Variants in MAP2K3 observed in about 807,000 individuals in gnomAD.
MAP2K3 encodes the protein mitogen-activated protein kinase kinase 3.
MAP2K3 carries 30 observed loss-of-function variants against 46.4 expected under a neutral mutation model. The observed-to-expected ratio is 0.65, with a 90% CI of 0.48 to 0.88. The LOEUF (loss-of-function observed/expected upper bound fraction) is 0.88. MAP2K3 is among the 40% of genes least tolerant of loss of function. MAP2K3 has a pLI of 0.00. For synonymous variants in MAP2K3, 189 were observed against 176.3 expected, an observed-to-expected ratio of 1.07 and a Z score of -0.57; for missense variants, 380 against 464.5, an observed-to-expected ratio of 0.82 and a Z score of 1.67.
chr17:21,303,277 A>T, intron 7 of MAP2K3, 43 bp downstream of exon 7: 1 of 1,612,198 alleles, frequency 6.2e-7, no homozygotes, highest in Non-Finnish European at 8.5e-7. Context: ...AGCCAGTGGG[A>T]GGGATCCCAG....
Position 21,284,751 on chromosome 17 carries a change from T to TGCAGTCGCCGCC in MAP2K3, c.-163_-152dup. ...CCGCCCGTCGCGGACTCGTCCTTGCTGCAGTCGCCGCCGCAGTCCTCGCCG... is the reference window on the plus strand; with the variant it reads ...CCGCCCGTCGCGGACTCGTCCTTGCTGCAGTCGCCGCCGCAGTCGCCGCCGCAGTCCTCGCCG... On this transcript the variant is annotated 5_prime_UTR_variant, in exon 1 of 12. Transcript: ENST00000342679. The TGCAGTCGCCGCC allele has an allele frequency of 4.8e-6, 3 of 631,194 alleles. No individual in the cohort carries two copies. The South Asian group carries it at 8.3e-5, about 17-fold the overall frequency. 39.1% of individuals were successfully genotyped at this position (631,194 alleles called of 1,614,324 possible). A position where few individuals can be genotyped will look rare whatever the true frequency, so the allele number is the denominator to read the frequency against.
At chr17:21,306,463 G>A (rs62057736) in intron 9 of MAP2K3, among the ~76,000 whole-genome samples, 4 of 152,396 alleles carry the variant, frequency 2.6e-5, no homozygotes, top group East Asian at 3.9e-4. Context: ...CTGTGCTTGC[G>A]AACCTACAGG....
At chr17:21,295,648 C>T (rs1466944628) in intron 1 of MAP2K3, 3 of 1,289,324 alleles carry the variant, frequency 2.3e-6, no homozygotes, top group East Asian at 5.5e-5. Flanking sequence ...TGTGGCCCTC[C>T]TGATGCAGGC....
intron 1 of MAP2K3, among the ~76,000 whole-genome samples, chr17:21,297,404 G>A (rs917875254): frequency 1.3e-5 from 2 of 152,310 alleles, no homozygotes; most frequent in Non-Finnish European, 2.9e-5. Context: ...CTTGGGAAAT[G>A]ATGAGGCAGA....
intron 1 of MAP2K3, among the ~76,000 whole-genome samples, chr17:21,294,984 C>T (rs1232196165): frequency 6.6e-6 from 1 of 152,308 alleles, no homozygotes; most frequent in Non-Finnish European, 1.5e-5. Flanking sequence ...AGAACGGCCA[C>T]CTGTGGGACT....
At chr17:21,296,789 G>A (rs765603207) in intron 1 of MAP2K3, among the ~76,000 whole-genome samples, 4,586 of 149,736 alleles carry the variant, frequency 0.031, no homozygotes, top group Non-Finnish European at 0.05. Flanking sequence ...GACAGCCAGG[G>A]TGTTGCTGCA....
In MAP2K3 at chr17:21,304,517, C is replaced by T. The variant is rs143575057; in HGVS notation, c.660C>T (p.Ala220=). Reference sequence around the variant, plus strand: ...GTGGCTACTTGGTGGACTCTGTGGCCAAGACGATGGATGCCGGCTGCAAGC... The same window carrying T: ...GTGGCTACTTGGTGGACTCTGTGGCTAAGACGATGGATGCCGGCTGCAAGC... ...GISGYLVDSV[A]KTMDAGCKPY... is the part of the protein sequence containing the mutation. The change falls in exon 8 of 12, where the codon GCC becomes GCT. Residue 220 remains alanine (A), a synonymous_variant. Coordinates refer to ENST00000342679, the MANE Select transcript of MAP2K3 (RefSeq NM_145109.3). 1.9e-3 allele frequency: 2,996 copies of T among 1,612,814 alleles called. No individual in the cohort carries two copies. The African/African-American group carries it at 0.032, about 17-fold the overall frequency.
chr17:21,296,467 G>A (rs1976257005), intron 1 of MAP2K3, among the ~76,000 whole-genome samples: 1 of 152,312 alleles, frequency 6.6e-6, no homozygotes, highest in Admixed American at 6.5e-5. Flanking sequence ...GTTTCTTGTT[G>A]AGCACGAGAC....
intron 1 of MAP2K3, among the ~76,000 whole-genome samples, chr17:21,297,428 G>A (rs1976319862): frequency 6.6e-6 from 1 of 152,310 alleles, no homozygotes; most frequent in Non-Finnish European, 1.5e-5. Flanking sequence ...TCCCACAAGG[G>A]CAGGCATGTG....
At chr17:21,295,582 C>T (rs1976193395) in intron 1 of MAP2K3, 15 of 1,273,444 alleles carry the variant, frequency 1.2e-5, no homozygotes, top group Non-Finnish European at 1.5e-5. Flanking sequence ...TCTAGGCTGT[C>T]TCCATGACGG....
rs760948513 is a variant in MAP2K3, at chr17:21,300,897, A to T, written c.303A>T (p.Ser101=). The stretch of plus-strand genomic sequence containing the variant: ...AGCGGATCCGGGCCACCGTGAACTC[A>T]CAGGAGCAGAAGCGGCTGCTCATGG... ...AVKRIRATVN[S]QEQKRLLMDL... The change falls in exon 5 of 12, where the codon TCA becomes TCT. Residue 101 remains serine (S), a synonymous_variant. Coordinates refer to ENST00000342679, the MANE Select transcript of MAP2K3 (RefSeq NM_145109.3). 6.2e-7 allele frequency: 1 copy of T among 1,614,238 alleles called. No individual in the cohort carries two copies. The highest frequency in any genetic ancestry group is 8.5e-7 in the Non-Finnish European group (1 of 1,180,056).
chr17:21,295,969 A>T, intron 1 of MAP2K3: 1 of 1,258,554 alleles, frequency 7.9e-7, no homozygotes, highest in South Asian at 1.3e-5. Context: ...CTCTGTGCAG[A>T]GCTTTAATTT....
chr17:21,300,989 G>A lies in MAP2K3; in HGVS notation c.395G>A (p.Arg132Lys). 1 of 1,614,156 alleles carries A rather than the reference G, an allele frequency of 6.2e-7. No individual in the cohort carries two copies. Among genetic ancestry groups the A allele is most frequent in the Non-Finnish European group, 8.5e-7 (1 of 1,180,014 alleles). The change falls in exon 5 of 12, where the codon AGA becomes AAA. Residue 132 changes from arginine (R) to lysine (K), a missense_variant. Around this residue, in one of 5 missense-constraint regions of MAP2K3, gnomAD observed 294 missense variants for 275.4 expected, o/e 1.07. Transcript: ENST00000342679. ...GTCACCTTCTACGGGGCACTATTCAGAGAGGTGCGTCCTTGCATGATGCAG... is the reference window on the plus strand; with the variant it reads ...GTCACCTTCTACGGGGCACTATTCAAAGAGGTGCGTCCTTGCATGATGCAG... ...YTVTFYGALF[R>K]EGDVWICMEL...
chr17:21,312,407 G>A (rs2144665735), intron 10 of MAP2K3, 126 bp downstream of exon 10: 1 of 996,214 alleles, frequency 1.0e-6, no homozygotes, highest in Non-Finnish European at 1.4e-6. Flanking sequence ...ATCCAAATAT[G>A]TAAGGCAGAA....
chr17:21,310,514 C>T (rs1393718307), intron 9 of MAP2K3, among the ~76,000 whole-genome samples: 3 of 152,228 alleles, frequency 2.0e-5, no homozygotes, highest in East Asian at 1.9e-4. Context: ...GCTCTGGCCT[C>T]GGCCTCCCCC....
At chr17:21,313,626 A>G in intron 11 of MAP2K3, 89 bp downstream of exon 11, 2 of 1,064,470 alleles carry the variant, frequency 1.9e-6, no homozygotes, top group Non-Finnish European at 2.8e-6. Flanking sequence ...TCCTGCACAC[A>G]GATGGGTAGC....
chr17:21,301,308 G>C (rs1439378849), intron 5 of MAP2K3, among the ~76,000 whole-genome samples: 9 of 152,306 alleles, frequency 5.9e-5, no homozygotes, highest in Non-Finnish European at 1.2e-4. Context: ...CAGGGCGTGG[G>C]AATGGCATAT....
At chr17:21,295,047 G>A (rs929359363) in intron 1 of MAP2K3, among the ~76,000 whole-genome samples, 19 of 152,310 alleles carry the variant, frequency 1.2e-4, no homozygotes, top group South Asian at 4.1e-4. Context: ...TGGGGCCTGC[G>A]CAGTCAGGCA....
At chr17:21,304,603 A>T in intron 8 of MAP2K3, 50 bp downstream of exon 8, 4 of 1,612,622 alleles carry the variant, frequency 2.5e-6, no homozygotes, top group Non-Finnish European at 3.4e-6. Context: ...GGGCGGGGAG[A>T]AATCTGCCCA....
Sources: allele counts gnomAD v4.1 joint callset (sites outside exome capture counted in the v4.1 genomes callset), GRCh38; gene constraint gnomAD v4.1.1; regional missense constraint gnomAD v4.1.1; transcripts MANE v1.5; gene names NCBI Gene and HGNC (gene_info 2026-07-23, HGNC 2026-07-21).